TCF3: variants seen among roughly 807,000 people sequenced by gnomAD.
TCF3 encodes transcription factor E2-alpha.
A neutral mutation model predicts 72.3 loss-of-function variants in TCF3; 54 were observed. The observed-to-expected ratio is 0.75, with a 90% CI of 0.60 to 0.94. The LOEUF (loss-of-function observed/expected upper bound fraction) is 0.94. TCF3 is among the 40% of genes least tolerant of loss of function. The probability of loss-of-function intolerance (pLI) is 0.00; values close to 1 mark genes in which losing one functional copy is unlikely to be tolerated. For synonymous variants in TCF3, 525 were observed against 412.6 expected (o/e 1.27, Z -3.30); for missense variants, 1,078 against 934.4 (o/e 1.15, Z -2.00).
At chr19:1,619,686 C>T (rs1327761590) in intron 14 of TCF3, 94 bp downstream of exon 14, 2 of 1,223,470 alleles carry the variant, frequency 1.6e-6, no homozygotes, top group Non-Finnish European at 2.2e-6. Flanking sequence ...GGCTTATTTA[C>T]AAGAAACTAA....
At position 1,609,843 on chromosome 19, in the gene TCF3, C is replaced by T. The variant is rs374868920; in HGVS notation, c.*1864G>A. 160 of 232,174 alleles carry T rather than the reference C, an allele frequency of 6.9e-4. 1 individual carries two copies. The East Asian group carries it at 9.7e-3, about 14-fold the overall frequency. The allele number at this position is 232,174 out of a possible 1,614,324, so 14.4% of individuals were successfully genotyped here. On this transcript the variant is annotated 3_prime_UTR_variant, in exon 19 of 19. Coordinates refer to ENST00000262965, the MANE Select transcript of TCF3 (RefSeq NM_003200.5). ...GGGGAGTCAGGCAGTCCAGGATCTC[C>T]TGGGGGTAACGGTGGGAGTCTCAGG... is the stretch of plus-strand genomic sequence containing the variant.
At chr19:1,634,088 A>G (rs1365279252) in intron 3 of TCF3, among the ~76,000 whole-genome samples, 1 of 152,234 alleles carries the variant, frequency 6.6e-6, no homozygotes, top group Non-Finnish European at 1.5e-5. Context: ...TCACTCCAAC[A>G]GGCCTGTGCC....
chr19:1,651,593 G>A (rs924881505), intron 1 of TCF3, among the ~76,000 whole-genome samples: 1 of 152,194 alleles, frequency 6.6e-6, no homozygotes. Context: ...GACTTTGAGA[G>A]ACTTGGAGAA....
chr19:1,631,837 A>G, intron 5 of TCF3: 1 of 1,381,240 alleles, frequency 7.2e-7, no homozygotes, highest in Non-Finnish European at 9.8e-7. Context: ...GCCTAGTTGC[A>G]GAGTGCCGTG....
Position 1,619,491 on chromosome 19 carries a change from T to A in TCF3, c.1168-17A>T. ...CTTACTCTGCTGCAGGGTGGGGGGA[T>A]GGGTGGTGAGGGGCCCAAGCCGAGG... On this transcript the variant is annotated splice_polypyrimidine_tract_variant and intron_variant, in intron 14 of 18. Transcript: ENST00000262965. 2.1e-6 allele frequency: 3 copies of A among 1,458,136 alleles called. No homozygotes were observed. The highest frequency in any genetic ancestry group is 2.8e-6 in the Non-Finnish European group (3 of 1,072,222). The allele number at this position is 1,458,136 out of a possible 1,614,324, so 90.3% of individuals were successfully genotyped here. A position where few individuals can be genotyped will look rare whatever the true frequency, so the allele number is the denominator to read the frequency against.
rs745492073 is a variant in TCF3, at chr19:1,622,371, G to A, written c.594C>T (p.Thr198=). Residue 198 remains threonine, a synonymous_variant, in exon 9 of 19, where the codon ACC becomes ACT. Coordinates refer to ENST00000262965, the MANE Select transcript of TCF3 (RefSeq NM_003200.5). ...SSGEDYGRDA[T]AYPSAKTPSS... Reference sequence around the variant, plus strand: ...TGGGGGTCTTGGCGGACGGGTAGGCGGTGGCATCCCTGCCGTAGTCCTCAC... The same window carrying A: ...TGGGGGTCTTGGCGGACGGGTAGGCAGTGGCATCCCTGCCGTAGTCCTCAC... The A allele has an allele frequency of 9.8e-6, 15 of 1,525,060 alleles. No individual in the cohort carries two copies. The African/African-American group carries it at 1.1e-4, about 11-fold the overall frequency. 94.5% of individuals were successfully genotyped at this position (1,525,060 alleles called of 1,614,324 possible). A position where few individuals can be genotyped will look rare whatever the true frequency, so the allele number is the denominator to read the frequency against.
Position 1,652,614 on chromosome 19 carries a change from C to A in TCF3, c.-354G>T. ...ATCTTCCTGCGGCGGGAGACATGTT[C>A]CGCCCCCCGCCCGCGCCGCCCCGCC... On this transcript the variant is annotated 5_prime_UTR_variant, in exon 1 of 19. Coordinates refer to ENST00000262965, the MANE Select transcript of TCF3 (RefSeq NM_003200.5). 1.4e-5 allele frequency: 2 copies of A among 147,910 alleles called. No homozygotes were observed. The highest frequency in any genetic ancestry group is 3.8e-4 in the South Asian group (2 of 5,216). The allele number at this position is 147,910 out of a possible 1,614,324, so 9.2% of individuals were successfully genotyped here.
intron 1 of TCF3, among the ~76,000 whole-genome samples, chr19:1,651,816 C>A (rs2067132067): frequency 6.6e-6 from 1 of 150,828 alleles, no homozygotes; most frequent in African/African-American, 2.4e-5. Context: ...CCCGGCCCGC[C>A]CGGCCCCGAC....
At position 1,646,365 on chromosome 19, in the gene TCF3, G is replaced by A. The variant is rs777892958; in HGVS notation, c.135C>T (p.Phe45=). Residue 45 remains phenylalanine, a synonymous_variant, in exon 3 of 19, where the codon TTC becomes TTT. Coordinates refer to ENST00000262965, the MANE Select transcript of TCF3 (RefSeq NM_003200.5). ...GRPASLAGAQ[F]GGSGLEDRPS... is the part of the protein sequence containing the mutation. ...AAGGCGGGGTCCTACCTGAACCTCC[G>A]AACTGCGCCCCGGCCAGGGAGGCGG... 3.5e-5 allele frequency: 55 copies of A among 1,550,228 alleles called. No individual in the cohort carries two copies. In the South Asian group the frequency reaches 3.6e-4, roughly 10 times the overall value.
chr19:1,612,159 T>C, intron 18 of TCF3: 7 of 1,511,234 alleles, frequency 4.6e-6, no homozygotes. Flanking sequence ...TGCACCTGGG[T>C]GTGGGGAAGG....
At chr19:1,651,372 C>T (rs1050672958) in intron 1 of TCF3, 2 of 227,504 alleles carry the variant, frequency 8.8e-6, no homozygotes, top group Non-Finnish European at 8.7e-6. Flanking sequence ...AACTGGAGGC[C>T]GGGTGTGAAG....
At chr19:1,633,099 C>A (rs182486661) in intron 3 of TCF3, among the ~76,000 whole-genome samples, 1,323 of 131,558 alleles carry the variant, frequency 0.01, 20 homozygotes, top group Admixed American at 0.024. Flanking sequence ...CGGGGCGGGG[C>A]GGGCGGGGCC....
chr19:1,610,927 G>C lies in TCF3; in HGVS notation c.*780C>G, dbSNP rs928478054. 319 of 175,712 alleles carry C rather than the reference G, an allele frequency of 1.8e-3. 2 individuals carry two copies. The highest frequency in any genetic ancestry group is 4.4e-3 in the Admixed American group (67 of 15,320). 10.9% of individuals were successfully genotyped at this position (175,712 alleles called of 1,614,324 possible). A position where few individuals can be genotyped will look rare whatever the true frequency, so the allele number is the denominator to read the frequency against. ...TCTGTCTGTGTGCAGTGGCTTCCGG[G>C]GGGGGGGGGGGACGGGGGGGCTCAG... is the stretch of plus-strand genomic sequence containing the variant. On this transcript the variant is annotated 3_prime_UTR_variant, in exon 19 of 19. Transcript: ENST00000262965.
chr19:1,644,975 G>A (rs1029620834), intron 3 of TCF3, among the ~76,000 whole-genome samples: 13 of 152,142 alleles, frequency 8.5e-5, no homozygotes, highest in African/African-American at 1.4e-4. Flanking sequence ...TTTCCGGGGG[G>A]CTGGCAGGGT....
At position 1,646,445 on chromosome 19, in the gene TCF3, G is replaced by A. The variant is rs1448644246; in HGVS notation, c.73-18C>T. 6.5e-7 allele frequency: 1 copy of A among 1,546,124 alleles called. No individual in the cohort carries two copies. The highest frequency in any genetic ancestry group is 2.0e-5 in the Admixed American group (1 of 50,946). On this transcript the variant is annotated intron_variant, in intron 2 of 18. Coordinates refer to ENST00000262965, the MANE Select transcript of TCF3 (RefSeq NM_003200.5). ...GGGAACATCTGCAGGGAGGGGAGGG[G>A]AGACGTGAGCGGGGCGGGTGGCAAA...
intron 7 of TCF3, among the ~76,000 whole-genome samples, chr19:1,625,033 G>A (rs894784269): frequency 1.3e-5 from 2 of 152,172 alleles, no homozygotes; most frequent in Admixed American, 6.5e-5. Flanking sequence ...TTTTCGCAAA[G>A]ATGGGATCTC....
chr19:1,645,592 C>T (rs2065967422), intron 3 of TCF3, among the ~76,000 whole-genome samples: 1 of 152,236 alleles, frequency 6.6e-6, no homozygotes, highest in African/African-American at 2.4e-5. Flanking sequence ...AGGGCTCTGC[C>T]CCGACACGCC....
At position 1,614,370 on chromosome 19, in the gene TCF3, G is replaced by A. The variant is rs1432857190; in HGVS notation, c.1822+915C>T. 6.6e-6 allele frequency among the ~76,000 whole-genome samples: 1 copy of A among 152,212 alleles called. No individual in the cohort carries two copies. The highest frequency in any genetic ancestry group is 1.5e-5 in the Non-Finnish European group (1 of 68,042). ...GACGGGGGGCTTTGGGGGAGGAAAC[G>A]CCCTGAGGTTGCAGCCCAGCCGCTC... On this transcript the variant is annotated intron_variant, in intron 18 of 18. Transcript: ENST00000262965. This position sits in a 1 kb window ranked among gnomAD's most constrained non-coding sequence, Gnocchi z 5.6.
In TCF3 at chr19:1,610,645, G is replaced by C. The variant is rs1488922138; in HGVS notation, c.*1062C>G. On this transcript the variant is annotated 3_prime_UTR_variant, in exon 19 of 19. Coordinates refer to ENST00000262965, the MANE Select transcript of TCF3 (RefSeq NM_003200.5). ...CAGGTTCCAAGGGAGAGCAGCTTAGGGGGGCCTGGGGAGGGCGTTGTGTAG... is the reference window on the plus strand; with the variant it reads ...CAGGTTCCAAGGGAGAGCAGCTTAGCGGGGCCTGGGGAGGGCGTTGTGTAG... The C allele has an allele frequency of 3.5e-5, 8 of 230,802 alleles. No individual in the cohort carries two copies. Among genetic ancestry groups the C allele is most frequent in the African/African-American group, 6.6e-5 (3 of 45,152 alleles). The allele number at this position is 230,802 out of a possible 1,614,324, so 14.3% of individuals were successfully genotyped here. A position where few individuals can be genotyped will look rare whatever the true frequency, so the allele number is the denominator to read the frequency against.
Sources: allele counts gnomAD v4.1 joint callset (sites outside exome capture counted in the v4.1 genomes callset), GRCh38; gene constraint gnomAD v4.1.1; non-coding constraint Gnocchi (gnomAD v3.1); transcripts MANE v1.5; gene names NCBI Gene and HGNC (gene_info 2026-07-23, HGNC 2026-07-21).